The following CTIF variants were observed in gnomAD, a reference collection of about 807,000 sequenced individuals.
The protein encoded by CTIF is CBP80/20-dependent translation initiation factor.
CTIF carries 21 observed loss-of-function variants against 66.0 expected under a neutral mutation model. The observed-to-expected ratio is 0.32, with a 90% CI of 0.23 to 0.46. The LOEUF is 0.46. Ranked by LOEUF, CTIF falls within the 20% of genes least tolerant of loss-of-function variation. CTIF has a pLI of 1.00. For missense variants in CTIF, 739 were observed against 812.7 expected (o/e 0.91, Z 1.10); for synonymous variants, 345 against 326.4 (o/e 1.06, Z -0.62).
At chr18:48,623,573 G>A (rs1233377019) in intron 2 of CTIF, among the ~76,000 whole-genome samples, 7 of 149,976 alleles carry the variant, frequency 4.7e-5, no homozygotes, top group Non-Finnish European at 7.4e-5. Flanking sequence ...TAGTTTAAAT[G>A]GAAGCCAAAA....
At chr18:48,682,233 A>G (rs1171967953) in intron 6 of CTIF, among the ~76,000 whole-genome samples, 1 of 152,102 alleles carries the variant, frequency 6.6e-6, no homozygotes, top group African/African-American at 2.4e-5. Flanking sequence ...GCCCCTCCAC[A>G]TCACTGGTAC....
intron 1 of CTIF, among the ~76,000 whole-genome samples, chr18:48,547,431 A>G (rs968860069): frequency 2.6e-5 from 4 of 152,180 alleles, no homozygotes; most frequent in Non-Finnish European, 5.9e-5. Context: ...TAGTTCCTAC[A>G]GTTTCAAACT....
intron 1 of CTIF, among the ~76,000 whole-genome samples, chr18:48,611,810 T>G (rs1264361575): frequency 6.6e-6 from 1 of 152,222 alleles, no homozygotes; most frequent in African/African-American, 2.4e-5. Context: ...TCAATTTAGT[T>G]ATACATTTTT....
intron 9 of CTIF, among the ~76,000 whole-genome samples, chr18:48,812,101 T>A (rs757696692): frequency 2.0e-5 from 3 of 152,168 alleles, no homozygotes; most frequent in Non-Finnish European, 4.4e-5. Flanking sequence ...TAGCTTGGAT[T>A]ACAGGCACCC....
At chr18:48,658,685 G>A (rs142159267) in intron 3 of CTIF, among the ~76,000 whole-genome samples, 3 of 152,230 alleles carry the variant, frequency 2.0e-5, no homozygotes, top group African/African-American at 7.2e-5. Context: ...GTATATGCAT[G>A]TGTGTAGTAT....
intron 5 of CTIF, 139 bp downstream of exon 5, chr18:48,664,690 G>A: frequency 1.5e-6 from 1 of 679,844 alleles, no homozygotes; most frequent in South Asian, 1.8e-5. Context: ...ATGCGTCCCA[G>A]AGCTGCAGGC....
intron 9 of CTIF, among the ~76,000 whole-genome samples, chr18:48,811,490 A>G (rs12959910): frequency 0.14 from 21,013 of 152,172 alleles, 1,534 homozygotes; most frequent in Admixed American, 0.18. Flanking sequence ...GTAGAGTCAC[A>G]TTCTCATGCA....
chr18:48,847,575 A>C (rs2069108737), intron 10 of CTIF, among the ~76,000 whole-genome samples: 2 of 152,230 alleles, frequency 1.3e-5, no homozygotes, highest in Admixed American at 1.3e-4. Context: ...GGAATGGTGC[A>C]TACAAAGCAT....
chr18:48,695,727 CATT>C (rs1568144216), intron 6 of CTIF, among the ~76,000 whole-genome samples: 1 of 152,232 alleles, frequency 6.6e-6, no homozygotes, highest in East Asian at 1.9e-4. Context: ...CCGTTGCTAT[CATT>C]ATGATAGCTC....
chr18:48,665,967 T>C (rs2091429117), intron 5 of CTIF, among the ~76,000 whole-genome samples: 1 of 152,220 alleles, frequency 6.6e-6, no homozygotes, highest in Non-Finnish European at 1.5e-5. Context: ...CTTGGGTGTA[T>C]ACCTGGGGTG....
At chr18:48,561,978 C>T (rs1021844374) in intron 1 of CTIF, among the ~76,000 whole-genome samples, 8 of 152,196 alleles carry the variant, frequency 5.3e-5, no homozygotes, top group African/African-American at 1.9e-4. Context: ...TCTACGGTTG[C>T]TTTTGGCTGG....
intron 1 of CTIF, among the ~76,000 whole-genome samples, chr18:48,613,323 G>A (rs984096063): frequency 6.6e-6 from 1 of 152,108 alleles, no homozygotes; most frequent in African/African-American, 2.4e-5. Flanking sequence ...AGTCAGACTT[G>A]GCCAGGGGTT....
At chr18:48,618,150 G>A (rs945503468) in intron 1 of CTIF, among the ~76,000 whole-genome samples, 2 of 152,290 alleles carry the variant, frequency 1.3e-5, no homozygotes, top group South Asian at 2.1e-4. Flanking sequence ...CTTTGGACTC[G>A]CTGCAGTGAA....
chr18:48,636,563 G>T (rs1223668592), intron 2 of CTIF, 51 bp from the exon 3 acceptor site: 1 of 1,359,972 alleles, frequency 7.4e-7, no homozygotes, highest in Non-Finnish European at 9.7e-7. Context: ...GGCAGAGTGA[G>T]CATGGGCCTG....
At chr18:48,582,227 G>T (rs2089673162) in intron 1 of CTIF, among the ~76,000 whole-genome samples, 2 of 152,084 alleles carry the variant, frequency 1.3e-5, no homozygotes, top group Admixed American at 1.3e-4. Flanking sequence ...CTGGGCCGGA[G>T]AGTAGAGGCT....
chr18:48,594,688 A>G (rs982799701), intron 1 of CTIF, among the ~76,000 whole-genome samples: 7 of 152,202 alleles, frequency 4.6e-5, no homozygotes, highest in South Asian at 2.1e-4. Context: ...CCATGCACCC[A>G]CAGCAGATAA....
rs190817630 is a variant in CTIF, at chr18:48,737,165, G to T, written c.585-20754G>T. Among the ~76,000 whole-genome samples the T allele has an allele frequency of 5.1e-3, 772 of 152,236 alleles. 1 individual carries two copies. The highest frequency in any genetic ancestry group is 0.041 in the Middle Eastern group (12 of 292). ...GTTGGCTAGTTCTGTGGCTTGGCCG[G>T]GAGTGGGTTTGGGTCAGCTTCTGCA... is the stretch of plus-strand genomic sequence containing the variant. On this transcript the variant is annotated intron_variant, in intron 7 of 11. Transcript: ENST00000256413.
At chr18:48,564,617 T>TTTTTG (rs931695682) in intron 1 of CTIF, among the ~76,000 whole-genome samples, 1 of 151,970 alleles carries the variant, frequency 6.6e-6, no homozygotes, top group Non-Finnish European at 1.5e-5. Flanking sequence ...GTTGTGTAGG[T>TTTTTG]TTTTGTTTTG....
chr18:48,708,210 T>C (rs547650064), intron 6 of CTIF, among the ~76,000 whole-genome samples: 1 of 152,348 alleles, frequency 6.6e-6, no homozygotes, highest in East Asian at 1.9e-4. Flanking sequence ...CACCAATGAC[T>C]TTAAAGAAGC....
Sources: gnomAD v4.1 joint callset for allele counts (sites outside exome capture counted in the v4.1 genomes callset) on GRCh38, gnomAD v4.1.1 for gene constraint, MANE v1.5 for transcripts, NCBI Gene and HGNC (gene_info 2026-07-23, HGNC 2026-07-21) for gene names.